ITCH: variants seen among roughly 807,000 people sequenced by gnomAD.
ITCH encodes the protein itchy E3 ubiquitin protein ligase.
ITCH carries 28 observed loss-of-function variants against 126.8 expected under a neutral mutation model. That is an observed-to-expected ratio of 0.22 (90% CI 0.16 to 0.30). The LOEUF (loss-of-function observed/expected upper bound fraction) is 0.30. Ranked by LOEUF, ITCH falls within the 10% of genes least tolerant of loss-of-function variation. ITCH has a pLI of 1.00. For synonymous variants in ITCH, 342 were observed against 340.0 expected (o/e 1.01, Z -0.06); for missense variants, 631 against 1,032.4 (o/e 0.61, Z 5.33).
At chr20:34,463,773 A>G (rs1176707478) in intron 14 of ITCH, among the ~76,000 whole-genome samples, 1 of 149,150 alleles carries the variant, frequency 6.7e-6, no homozygotes, top group East Asian at 1.9e-4. Context: ...TGTCTCTTCA[A>G]GTCCTTTGCC....
At chr20:34,446,231 C>A (rs1320956061) in intron 11 of ITCH, among the ~76,000 whole-genome samples, 3 of 152,064 alleles carry the variant, frequency 2.0e-5, no homozygotes, top group Non-Finnish European at 4.4e-5. Context: ...TTATATAGAA[C>A]CTAAACGAAG....
chr20:34,481,246 T>C, intron 20 of ITCH, 40 bp downstream of exon 20: 2 of 1,591,616 alleles, frequency 1.3e-6, no homozygotes, highest in Non-Finnish European at 1.7e-6. Context: ...TTTGTTTGAC[T>C]ACAGCACATT....
chr20:34,444,382 G>A (rs925556053), intron 10 of ITCH, among the ~76,000 whole-genome samples: 2 of 152,086 alleles, frequency 1.3e-5, no homozygotes, highest in African/African-American at 2.4e-5. Context: ...TCGGGAGTTC[G>A]AGGGCCGCCT....
rs577809049 is a variant in ITCH, at chr20:34,378,976, A to AT, written c.-22+9513dup. 9.2e-5 allele frequency among the ~76,000 whole-genome samples: 14 copies of AT among 152,072 alleles called. No individual in the cohort carries two copies. The East Asian group carries it at 2.5e-3, about 27-fold the overall frequency. Reference sequence around the variant, plus strand: ...TGCTGCTGAAGCAAACACACAGATTATTTTTTTCTGTTCTTAAGTTTTTTG... The same window carrying AT: ...TGCTGCTGAAGCAAACACACAGATTATTTTTTTTCTGTTCTTAAGTTTTTTG... On this transcript the variant is annotated intron_variant, in intron 2 of 24. Coordinates refer to ENST00000374864, the MANE Select transcript of ITCH (RefSeq NM_031483.7).
At chr20:34,462,660 A>C (rs1204980139) in intron 14 of ITCH, among the ~76,000 whole-genome samples, 1 of 152,196 alleles carries the variant, frequency 6.6e-6, no homozygotes, top group Admixed American at 6.5e-5. Flanking sequence ...TTATGTGTAC[A>C]GTTCAGTGGC....
chr20:34,463,633 A>T (rs755006077), intron 14 of ITCH, among the ~76,000 whole-genome samples: 1 of 146,208 alleles, frequency 6.8e-6, no homozygotes, highest in Admixed American at 6.8e-5. Flanking sequence ...TCATCATCAT[A>T]TTTTTTTTTA....
intron 13 of ITCH, 26 bp from the exon 14 acceptor site, chr20:34,462,067 T>C: frequency 6.2e-7 from 1 of 1,611,172 alleles, no homozygotes; most frequent in South Asian, 1.1e-5. Context: ...AATATTTTTG[T>C]TTATGTTTTT....
rs780350969 is a variant in ITCH at position 34,449,532 on chromosome 20, T to C, written c.1210+52T>C. The C allele has an allele frequency of 1.4e-5, 16 of 1,152,610 alleles. No homozygotes were observed. In the Admixed American group the frequency reaches 2.6e-4, roughly 18 times the overall value. 71.4% of individuals were successfully genotyped at this position (1,152,610 alleles called of 1,614,324 possible). On this transcript the variant is annotated intron_variant, in intron 12 of 24. Transcript: ENST00000374864. ...GTTCTGTCATTTCATTTTTGTTCTCTTCCAATTGTGTCATTTTAAAACAGA... is the reference window on the plus strand; with the variant it reads ...GTTCTGTCATTTCATTTTTGTTCTCCTCCAATTGTGTCATTTTAAAACAGA...
In ITCH at chr20:34,427,203, A is replaced by G. The variant is rs531051319; in HGVS notation, c.521+2678A>G. Among the ~76,000 whole-genome samples the G allele has an allele frequency of 2.6e-5, 4 of 152,364 alleles. No individual in the cohort carries two copies. In the South Asian group the frequency reaches 8.3e-4, roughly 32 times the overall value. On this transcript the variant is annotated intron_variant, in intron 7 of 24. Transcript: ENST00000374864. ...TTTCACATTCTTATGATGAAGAATC[A>G]TCTATACTAATCTCACGAGATGTAG... is the stretch of plus-strand genomic sequence containing the variant.
intron 6 of ITCH, chr20:34,417,043 A>C: frequency 1.9e-6 from 1 of 540,014 alleles, no homozygotes; most frequent in Non-Finnish European, 3.5e-6. Flanking sequence ...CAGAGTAGCT[A>C]GGATTACAGG....
In ITCH at chr20:34,511,720, A is replaced by G. The variant is rs1040434393; in HGVS notation, c.*3926A>G. On this transcript the variant is annotated 3_prime_UTR_variant, in exon 25 of 25. Transcript: ENST00000374864. ...AAGTTTTCCAGAGCTTATTTACATT[A>G]TAAGCTATATGTCTACATGTGAGTG... Among the ~76,000 whole-genome samples the G allele has an allele frequency of 7.2e-5, 11 of 152,268 alleles. No individual in the cohort carries two copies. Among genetic ancestry groups the G allele is most frequent in the Non-Finnish European group, 1.3e-4 (9 of 68,054 alleles).
chr20:34,466,978 A>C (rs1987124932), intron 14 of ITCH, among the ~76,000 whole-genome samples: 1 of 152,228 alleles, frequency 6.6e-6, no homozygotes, highest in African/African-American at 2.4e-5. Flanking sequence ...TGGAGCGCCC[A>C]AAGCTAGAAG....
At chr20:34,400,686 C>T (rs1259559591) in intron 3 of ITCH, among the ~76,000 whole-genome samples, 1 of 128,378 alleles carries the variant, frequency 7.8e-6, no homozygotes, top group East Asian at 2.4e-4. Flanking sequence ...CGTTCTGTCG[C>T]CCAGGCTGGA....
chr20:34,373,314 C>T (rs1170243455), intron 2 of ITCH, among the ~76,000 whole-genome samples: 6 of 148,228 alleles, frequency 4.0e-5, no homozygotes, highest in East Asian at 3.9e-4. Flanking sequence ...GTCTTGTTCT[C>T]GCCCAGGCTG....
chr20:34,446,128 C>G lies in ITCH; in HGVS notation c.1140+667C>G, dbSNP rs949853143. Among the ~76,000 whole-genome samples the G allele has an allele frequency of 1.2e-4, 19 of 152,252 alleles. 1 individual carries two copies. The South Asian group carries it at 3.9e-3, about 32-fold the overall frequency. On this transcript the variant is annotated intron_variant, in intron 11 of 24. Coordinates refer to ENST00000374864, the MANE Select transcript of ITCH (RefSeq NM_031483.7). ...TGGTGCTAGGAATTTTATAATCTCT[C>G]AAGTCATACAGTATCATTGATCTTT...
At chr20:34,475,081 C>G (rs972340007) in intron 16 of ITCH, among the ~76,000 whole-genome samples, 16 of 151,920 alleles carry the variant, frequency 1.1e-4, no homozygotes, top group African/African-American at 3.9e-4. Context: ...AGACGCTCCT[C>G]ACTTCCTAGA....
intron 6 of ITCH, among the ~76,000 whole-genome samples, chr20:34,415,107 T>C (rs1979645594): frequency 6.6e-6 from 1 of 152,212 alleles, no homozygotes; most frequent in Admixed American, 6.5e-5. Flanking sequence ...CTGAAGACAA[T>C]GAAAGAGCAG....
At chr20:34,435,372 T>C (rs1323493480) in intron 7 of ITCH, among the ~76,000 whole-genome samples, 2 of 152,128 alleles carry the variant, frequency 1.3e-5, no homozygotes, top group African/African-American at 2.4e-5. Context: ...TTTCGCCATA[T>C]AAGCCAGGCT....
At chr20:34,392,159 A>C (rs1235001740) in intron 2 of ITCH, among the ~76,000 whole-genome samples, 1 of 152,212 alleles carries the variant, frequency 6.6e-6, no homozygotes, top group East Asian at 1.9e-4. Flanking sequence ...ACCCTTGTCC[A>C]TAACAAGCCA....
Sources: gnomAD v4.1 joint callset for allele counts (sites outside exome capture counted in the v4.1 genomes callset) on GRCh38, gnomAD v4.1.1 for gene constraint, MANE v1.5 for transcripts, NCBI Gene and HGNC (gene_info 2026-07-23, HGNC 2026-07-21) for gene names.